The following TAF10 variants were observed in gnomAD, a reference collection of about 807,000 sequenced individuals.
TAF10 encodes TATA-box binding protein associated factor 10, also known as transcription initiation factor TFIID subunit 10.
In TAF10, 2 loss-of-function variants were observed where a neutral mutation model predicts 18.1. That is an observed-to-expected ratio of 0.11 (90% confidence interval 0.05 to 0.35). The LOEUF is 0.35. Among genes scored for constraint, TAF10 ranks in the 10% least tolerant of loss-of-function variants. The probability of loss-of-function intolerance (pLI) is 1.00; values close to 1 mark genes in which losing one functional copy is unlikely to be tolerated. For synonymous variants in TAF10, 158 were observed against 134.6 expected, an observed-to-expected ratio of 1.17 and a Z score of -1.20; for missense variants, 293 against 306.9, an observed-to-expected ratio of 0.95 and a Z score of 0.34.
At position 6,608,508 on chromosome 11, in the gene TAF10, A is replaced by G. The variant is rs183392482; in HGVS notation, c.*2414T>C. 6.3e-7 allele frequency: 1 copy of G among 1,586,022 alleles called. No homozygotes were observed. The highest frequency in any genetic ancestry group is 1.1e-5 in the South Asian group (1 of 90,518). On this transcript the variant is annotated 3_prime_UTR_variant, in exon 5 of 5. Transcript: ENST00000299424. This position sits in a 1 kb window ranked among gnomAD's most constrained non-coding sequence, Gnocchi z 4.9. ...GGCAGAGGTGAGTACTCAGCCCTTA[A>G]TTCCTGAGATGGGTAGGAAGTAAAG...
intron 2 of TAF10, 87 bp downstream of exon 2, chr11:6,611,577 G>T: frequency 6.3e-7 from 1 of 1,589,246 alleles, no homozygotes; most frequent in Admixed American, 1.7e-5. Context: ...GCGACTAGGG[G>T]AGCAAATGGA....
rs751307758 is a variant in TAF10 at position 6,610,893 on chromosome 11, G to A, written c.*29C>T. The A allele has an allele frequency of 5.8e-5, 94 of 1,610,620 alleles. No homozygotes were observed. The Middle Eastern group carries it at 1.2e-3, about 20-fold the overall frequency. On this transcript the variant is annotated 3_prime_UTR_variant, in exon 5 of 5. Transcript: ENST00000299424. Reference sequence around the variant, plus strand: ...AAACAGGCTGGTGTGGGGACATGGGGACAGATAAGTACATTTAGGTTGGGT... The same window carrying A: ...AAACAGGCTGGTGTGGGGACATGGGAACAGATAAGTACATTTAGGTTGGGT...
rs950898070 is a variant in TAF10 at position 6,611,988 on chromosome 11, C to G, written c.202G>C (p.Ala68Pro). ...CCACGCCGCTCAGCTGGCTCCCCGG[C>G]CCGCGCCGCCAAGGGTCCCGTGCCC... Reference protein sequence around the residue: ...AGGTGPLAARAGEPAERRGAA... With the variant: ...AGGTGPLAARPGEPAERRGAA... Residue 68 changes from alanine (A) to proline (P), a missense_variant, in exon 1 of 5, where the codon GCC (alanine) becomes CCC (proline). Coordinates refer to ENST00000299424, the MANE Select transcript of TAF10 (RefSeq NM_006284.4). The G allele has an allele frequency of 6.4e-7, 1 of 1,556,258 alleles. No individual in the cohort carries two copies. The highest frequency in any genetic ancestry group is 1.4e-5 in the African/African-American group (1 of 73,590).
In TAF10 at chr11:6,609,272, G is replaced by A. The variant is rs775144515; in HGVS notation, c.*1650C>T. On this transcript the variant is annotated 3_prime_UTR_variant, in exon 5 of 5. Transcript: ENST00000299424. ...CAAGGAAGTGGCAGCAACATTTCAA[G>A]CCTCCTAACCCCTACCTGTCCTGCA... is the stretch of plus-strand genomic sequence containing the variant. 5.0e-6 allele frequency: 8 copies of A among 1,610,066 alleles called. No individual in the cohort carries two copies. The highest frequency in any genetic ancestry group is 1.7e-5 in the Admixed American group (1 of 59,996).
At position 6,609,591 on chromosome 11, in the gene TAF10, C is replaced by T; in HGVS notation, c.*1331G>A. On this transcript the variant is annotated 3_prime_UTR_variant, in exon 5 of 5. Coordinates refer to ENST00000299424, the MANE Select transcript of TAF10 (RefSeq NM_006284.4). ...TGCTCCTCATCCTACTCTCATCACACACTGGATGCCGTATGGATCCCTCTA... is the reference window on the plus strand; with the variant it reads ...TGCTCCTCATCCTACTCTCATCACATACTGGATGCCGTATGGATCCCTCTA... The T allele has an allele frequency of 1.2e-6, 2 of 1,614,182 alleles. No individual in the cohort carries two copies. Among genetic ancestry groups the T allele is most frequent in the Non-Finnish European group, 1.7e-6 (2 of 1,180,006 alleles).
chr11:6,609,680 G>C lies in TAF10; in HGVS notation c.*1242C>G. Reference sequence around the variant, plus strand: ...GAATTTCCTTGGGGAGGAAATGGCAGAGAGGGAGCCTCTCTGAACTATTTG... The same window carrying C: ...GAATTTCCTTGGGGAGGAAATGGCACAGAGGGAGCCTCTCTGAACTATTTG... On this transcript the variant is annotated 3_prime_UTR_variant, in exon 5 of 5. Transcript: ENST00000299424. 1 of 1,614,204 alleles carries C rather than the reference G, an allele frequency of 6.2e-7. No individual in the cohort carries two copies. Among genetic ancestry groups the C allele is most frequent in the Non-Finnish European group, 8.5e-7 (1 of 1,180,040 alleles).
chr11:6,609,980 G>T lies in TAF10; in HGVS notation c.*942C>A, dbSNP rs1233947021. On this transcript the variant is annotated 3_prime_UTR_variant, in exon 5 of 5. Coordinates refer to ENST00000299424, the MANE Select transcript of TAF10 (RefSeq NM_006284.4). The stretch of plus-strand genomic sequence containing the variant: ...CCCGAATTAGCATGGCTGATGTCAA[G>T]TTCTCTTTCCAATGTCCTGGTCGCA... The T allele has an allele frequency of 6.2e-7, 1 of 1,614,202 alleles. No homozygotes were observed. The highest frequency in any genetic ancestry group is 1.1e-5 in the South Asian group (1 of 91,084).
Position 6,607,956 on chromosome 11 carries a change from C to T in TAF10, c.*2966G>A. The T allele has an allele frequency of 7.3e-7, 1 of 1,361,404 alleles. No individual in the cohort carries two copies. 84.3% of individuals were successfully genotyped at this position (1,361,404 alleles called of 1,614,324 possible). A position where few individuals can be genotyped will look rare whatever the true frequency, so the allele number is the denominator to read the frequency against. On this transcript the variant is annotated 3_prime_UTR_variant, in exon 5 of 5. Transcript: ENST00000299424. ...CAAAGTCCTAGAGAGGTAAGCCTTC[C>T]CAGAGAGTATGTAATTATCAGTTTT...
Position 6,611,008 on chromosome 11 carries a change from G to A in TAF10, c.571C>T (p.Arg191Cys), listed in dbSNP as rs772125852. The A allele has an allele frequency of 1.3e-5, 21 of 1,613,986 alleles. 1 individual carries two copies. Among genetic ancestry groups the A allele is most frequent in the Non-Finnish European group, 1.8e-5 (21 of 1,180,018 alleles). ...SGSSRSKSKD[R>C]KYTLTMEDLT... ...TCCTCCATGGTTAGAGTGTACTTGCGGTCCTGAGGGAAGAGGGAAGAGCAC... is the reference window on the plus strand; with the variant it reads ...TCCTCCATGGTTAGAGTGTACTTGCAGTCCTGAGGGAAGAGGGAAGAGCAC... Residue 191 changes from arginine (R) to cysteine (C), a missense_variant, in exon 5 of 5, where the codon CGC becomes TGC. Transcript: ENST00000299424.
At position 6,610,323 on chromosome 11, in the gene TAF10, G is replaced by C. The variant is rs376779526; in HGVS notation, c.*599C>G. 3.1e-6 allele frequency: 5 copies of C among 1,613,846 alleles called. No homozygotes were observed. In the African/African-American group the frequency reaches 5.3e-5, roughly 17 times the overall value. On this transcript the variant is annotated 3_prime_UTR_variant, in exon 5 of 5. Transcript: ENST00000299424. ...CATTTGTGTTGCGGGAGTGGTTGGTGATGGTGAAAATAACTGTAGTGGGCC... is the reference window on the plus strand; with the variant it reads ...CATTTGTGTTGCGGGAGTGGTTGGTCATGGTGAAAATAACTGTAGTGGGCC...
rs1046782932 is a variant in TAF10, at chr11:6,610,825, T to C, written c.*97A>G. ...ACTTGCCACATGGTGTCTCCCAACATGGGAGGGATCAGCCCCGCCTGTCAC... is the reference window on the plus strand; with the variant it reads ...ACTTGCCACATGGTGTCTCCCAACACGGGAGGGATCAGCCCCGCCTGTCAC... On this transcript the variant is annotated 3_prime_UTR_variant, in exon 5 of 5. Transcript: ENST00000299424. The C allele has an allele frequency of 1.9e-5, 28 of 1,452,788 alleles. No individual in the cohort carries two copies. In the South Asian group the frequency reaches 2.3e-4, roughly 12 times the overall value. The allele number at this position is 1,452,788 out of a possible 1,614,324, so 90.0% of individuals were successfully genotyped here.
At position 6,608,667 on chromosome 11, in the gene TAF10, C is replaced by G; in HGVS notation, c.*2255G>C. 6.3e-7 allele frequency: 1 copy of G among 1,584,810 alleles called. No individual in the cohort carries two copies. The highest frequency in any genetic ancestry group is 8.7e-7 in the Non-Finnish European group (1 of 1,153,172). ...GACTGCCAGCGAGGTAGCAGTGGCT[C>G]TCATCATAATGGCCTTTTCATTCCA... On this transcript the variant is annotated 3_prime_UTR_variant, in exon 5 of 5. Transcript: ENST00000299424. This position sits in a 1 kb window ranked among gnomAD's most constrained non-coding sequence, Gnocchi z 4.9.
rs1428831175 is a variant in TAF10, at chr11:6,607,925, GA to G, written c.*2996del. On this transcript the variant is annotated 3_prime_UTR_variant, in exon 5 of 5. Coordinates refer to ENST00000299424, the MANE Select transcript of TAF10 (RefSeq NM_006284.4). ...AGCTTTGGGAGTTGCTGGCATGAATGAGAATCAAAGTCCTAGAGAGGTAAGC... is the reference window on the plus strand; with the variant it reads ...AGCTTTGGGAGTTGCTGGCATGAATGGAATCAAAGTCCTAGAGAGGTAAGC... 6 of 1,033,102 alleles carry G rather than the reference GA, an allele frequency of 5.8e-6. No individual in the cohort carries two copies. Among genetic ancestry groups the G allele is most frequent in the Non-Finnish European group, 8.7e-6 (6 of 687,424 alleles). 64.0% of individuals were successfully genotyped at this position (1,033,102 alleles called of 1,614,324 possible).
chr11:6,610,401 G>C lies in TAF10; in HGVS notation c.*521C>G. 2.5e-6 allele frequency: 4 copies of C among 1,613,784 alleles called. No homozygotes were observed. In the South Asian group the frequency reaches 4.4e-5, roughly 18 times the overall value. On this transcript the variant is annotated 3_prime_UTR_variant, in exon 5 of 5. Transcript: ENST00000299424. ...TACAGTAATCCTGTCCCAAGGGCCA[G>C]TGGCTTCTCTCTACATGACAGACTC...
chr11:6,609,611 C>T lies in TAF10; in HGVS notation c.*1311G>A, dbSNP rs528302756. The T allele has an allele frequency of 1.4e-4, 228 of 1,614,170 alleles. 5 individuals are homozygous for T. The South Asian group carries it at 2.4e-3, about 17-fold the overall frequency. On this transcript the variant is annotated 3_prime_UTR_variant, in exon 5 of 5. Coordinates refer to ENST00000299424, the MANE Select transcript of TAF10 (RefSeq NM_006284.4). ...TCACACACTGGATGCCGTATGGATC[C>T]CTCTACAATGTACTACATGAAGGCA...
Position 6,609,817 on chromosome 11 carries a change from G to A in TAF10, c.*1105C>T, listed in dbSNP as rs770233845. 3.1e-6 allele frequency: 5 copies of A among 1,614,026 alleles called. No homozygotes were observed. The highest frequency in any genetic ancestry group is 1.3e-5 in the African/African-American group (1 of 74,912). On this transcript the variant is annotated 3_prime_UTR_variant, in exon 5 of 5. Transcript: ENST00000299424. The stretch of plus-strand genomic sequence containing the variant: ...CACACACTAGAGCCCCTCATCCCAC[G>A]ACATGCACTCAATAGCCGTAGTGTA...
In TAF10 at chr11:6,607,854, A is replaced by C; in HGVS notation, c.*3068T>G. 3.3e-6 allele frequency: 2 copies of C among 604,924 alleles called. No homozygotes were observed. The highest frequency in any genetic ancestry group is 2.9e-5 in the Admixed American group (1 of 34,982). 37.5% of individuals were successfully genotyped at this position (604,924 alleles called of 1,614,324 possible). On this transcript the variant is annotated 3_prime_UTR_variant, in exon 5 of 5. Coordinates refer to ENST00000299424, the MANE Select transcript of TAF10 (RefSeq NM_006284.4). ...TTTTATAGAGGTTGTTGAGATATCT[A>C]GGTGGTTGGTTTGGTTTGAAGCTCA...
Position 6,610,635 on chromosome 11 carries a change from T to TC in TAF10, c.*286dup. ...AGGACTGGAAGGTCCTTGCCTGAAC[T>TC]CCAGAGGTGTCGGGACATGGTTGGG... On this transcript the variant is annotated 3_prime_UTR_variant, in exon 5 of 5. Coordinates refer to ENST00000299424, the MANE Select transcript of TAF10 (RefSeq NM_006284.4). 6.2e-7 allele frequency: 1 copy of TC among 1,614,024 alleles called. No homozygotes were observed. Among genetic ancestry groups the TC allele is most frequent in the Non-Finnish European group, 8.5e-7 (1 of 1,179,938 alleles).
rs1159966605 is a variant in TAF10, at chr11:6,610,291, C to T, written c.*631G>A. On this transcript the variant is annotated 3_prime_UTR_variant, in exon 5 of 5. Transcript: ENST00000299424. ...GATTGGAATGAAGGTGAGAGCACAA[C>T]AGCATACATTTGTGTTGCGGGAGTG... 3.7e-6 allele frequency: 6 copies of T among 1,613,990 alleles called. No homozygotes were observed. In the African/African-American group the frequency reaches 4.0e-5, roughly 11 times the overall value.
Sources: allele counts gnomAD v4.1 joint callset, GRCh38; gene constraint gnomAD v4.1.1; non-coding constraint Gnocchi (gnomAD v3.1); transcripts MANE v1.5; gene names NCBI Gene and HGNC (gene_info 2026-07-23, HGNC 2026-07-21).